WWC2: variants seen among roughly 807,000 people sequenced by gnomAD.
WWC2 encodes WW and C2 domain containing 2.
Under a neutral mutation model 138.5 loss-of-function variants are expected in WWC2, and 101 were observed. The ratio of observed to expected loss-of-function variants is 0.73; its 90% CI spans 0.62 to 0.86. WWC2 has a LOEUF of 0.86. Ranked by LOEUF, WWC2 falls within the 40% of genes least tolerant of loss-of-function variation. The probability of loss-of-function intolerance (pLI) is 0.00; values close to 1 mark genes in which losing one functional copy is unlikely to be tolerated. For synonymous variants in WWC2, 558 were observed against 538.4 expected (o/e 1.04, Z -0.50); for missense variants, 1,420 against 1,419.4 (o/e 1.00, Z -0.01).
chr4:183,246,741 C>T (rs542818619), intron 6 of WWC2, among the ~76,000 whole-genome samples: 22 of 152,280 alleles, frequency 1.4e-4, no homozygotes, highest in African/African-American at 3.9e-4. Flanking sequence ...CAAACCCAGG[C>T]AGTCTGGGTT....
At chr4:183,282,416 A>T (rs748603240) in intron 17 of WWC2, among the ~76,000 whole-genome samples, 1 of 152,234 alleles carries the variant, frequency 6.6e-6, no homozygotes, top group Non-Finnish European at 1.5e-5. Flanking sequence ...GCTAACATTA[A>T]ACTCTATAAT....
At chr4:183,149,742 T>G (rs1379434447) in intron 1 of WWC2, among the ~76,000 whole-genome samples, 1 of 151,618 alleles carries the variant, frequency 6.6e-6, no homozygotes, top group Non-Finnish European at 1.5e-5. Context: ...ATAGTGGATC[T>G]AGAGATTTGC....
intron 2 of WWC2, among the ~76,000 whole-genome samples, chr4:183,194,680 CAA>C (rs1735085248): frequency 6.6e-6 from 1 of 152,084 alleles, no homozygotes; most frequent in Non-Finnish European, 1.5e-5. Flanking sequence ...ATGTATTTCT[CAA>C]GAGGCCAAAA....
At chr4:183,269,289 A>G in intron 15 of WWC2, 126 bp downstream of exon 15, 1 of 919,242 alleles carries the variant, frequency 1.1e-6, no homozygotes, top group East Asian at 2.6e-5. Context: ...CTTGGGATAC[A>G]TCTAGTGTTT....
intron 16 of WWC2, among the ~76,000 whole-genome samples, chr4:183,277,808 G>A (rs1206610900): frequency 3.4e-3 from 512 of 148,502 alleles, no homozygotes; most frequent in African/African-American, 0.012. Flanking sequence ...CATGTCCTTC[G>A]CCCACTTTTT....
rs550231406 is a variant in WWC2 at position 183,112,416 on chromosome 4, C to T, written c.131+12794C>T. Among the ~76,000 whole-genome samples the T allele has an allele frequency of 2.8e-4, 43 of 152,318 alleles. 2 individuals carry two copies. The South Asian group carries it at 6.8e-3, about 24-fold the overall frequency. ...GTCCCCACAGGGACACTTAACACGG[C>T]GGAGGCCTGTACCCATAGAAATGAA... On this transcript the variant is annotated intron_variant, in intron 1 of 22. Transcript: ENST00000403733.
chr4:183,263,614 A>G (rs905925003), intron 11 of WWC2, among the ~76,000 whole-genome samples: 10 of 152,238 alleles, frequency 6.6e-5, no homozygotes, highest in African/African-American at 2.4e-4. Flanking sequence ...ATATTTAACC[A>G]TAAAGGCTAA....
chr4:183,262,645 A>G (rs988486514), intron 11 of WWC2, among the ~76,000 whole-genome samples: 2 of 152,234 alleles, frequency 1.3e-5, no homozygotes, highest in African/African-American at 4.8e-5. Context: ...TGTCAAAGCT[A>G]CAAGTAGCAG....
At chr4:183,269,665 C>G in intron 15 of WWC2, 2 of 361,192 alleles carry the variant, frequency 5.5e-6, no homozygotes, top group Non-Finnish European at 1.1e-5. Context: ...AAAGATATCC[C>G]CACATAATTA....
At chr4:183,266,375 A>G (rs1362682730) in intron 14 of WWC2, among the ~76,000 whole-genome samples, 1 of 152,218 alleles carries the variant, frequency 6.6e-6, no homozygotes, top group African/African-American at 2.4e-5. Flanking sequence ...ATCATGCTAC[A>G]TGTAAGAGTA....
At chr4:183,267,258 A>G (rs1737534776) in intron 14 of WWC2, among the ~76,000 whole-genome samples, 1 of 152,152 alleles carries the variant, frequency 6.6e-6, no homozygotes, top group Non-Finnish European at 1.5e-5. Flanking sequence ...CAAAGTGTGG[A>G]CTGTCCACAT....
chr4:183,246,198 T>G (rs1223308986), intron 6 of WWC2, among the ~76,000 whole-genome samples: 1 of 152,236 alleles, frequency 6.6e-6, no homozygotes, highest in Non-Finnish European at 1.5e-5. Flanking sequence ...ATCAGTATTC[T>G]CAGTATCTAT....
chr4:183,221,380 A>G (rs1264649652), intron 4 of WWC2, among the ~76,000 whole-genome samples: 1 of 152,234 alleles, frequency 6.6e-6, no homozygotes, highest in Non-Finnish European at 1.5e-5. Context: ...ATAATCAGCA[A>G]TGCTGTCGAA....
intron 2 of WWC2, among the ~76,000 whole-genome samples, chr4:183,205,583 C>T (rs1444308679): frequency 6.6e-6 from 1 of 152,098 alleles, no homozygotes; most frequent in Non-Finnish European, 1.5e-5. Flanking sequence ...TCATTGAGTG[C>T]TAGGTTTTGT....
At chr4:183,205,873 C>T (rs1735432824) in intron 2 of WWC2, among the ~76,000 whole-genome samples, 1 of 152,142 alleles carries the variant, frequency 6.6e-6, no homozygotes, top group Non-Finnish European at 1.5e-5. Flanking sequence ...CTATAGCGTC[C>T]CAGTTGTCCT....
intron 1 of WWC2, among the ~76,000 whole-genome samples, chr4:183,186,009 G>A (rs143025337): frequency 0.03 from 4,428 of 146,698 alleles, 233 homozygotes; most frequent in African/African-American, 0.11. Flanking sequence ...GTGCAATGGC[G>A]CAACCTCGGC....
chr4:183,158,499 C>T (rs1260380858), intron 1 of WWC2, among the ~76,000 whole-genome samples: 1 of 151,688 alleles, frequency 6.6e-6, no homozygotes, highest in Non-Finnish European at 1.5e-5. Flanking sequence ...GTCCTGATCT[C>T]CTTTTCTTAC....
intron 17 of WWC2, 89 bp from the exon 18 acceptor site, chr4:183,282,619 T>G: frequency 7.7e-7 from 1 of 1,304,008 alleles, no homozygotes; most frequent in Middle Eastern, 1.8e-4. Flanking sequence ...AGTCTGTTTA[T>G]TTCCCAGATA....
intron 20 of WWC2, among the ~76,000 whole-genome samples, chr4:183,288,466 C>G (rs1021388913): frequency 6.6e-6 from 1 of 152,200 alleles, no homozygotes; most frequent in Non-Finnish European, 1.5e-5. Flanking sequence ...AGTCTCACCT[C>G]TCACCCAGCC....
Sources: gnomAD v4.1 joint callset for allele counts (sites outside exome capture counted in the v4.1 genomes callset) on GRCh38, gnomAD v4.1.1 for gene constraint, MANE v1.5 for transcripts, NCBI Gene and HGNC (gene_info 2026-07-23, HGNC 2026-07-21) for gene names.